ANKRD30BL: variants seen among roughly 807,000 people sequenced by gnomAD.
ANKRD30BL encodes the protein ankyrin repeat domain 30B like.
Under a neutral mutation model 18.4 loss-of-function variants are expected in ANKRD30BL, and 20 were observed. That is an observed-to-expected ratio of 1.09 (90% CI 0.77 to 1.58). ANKRD30BL has a LOEUF of 1.58. Among genes scored for constraint, ANKRD30BL ranks in the 40% most tolerant of loss-of-function variants. The pLI is 0.00. For synonymous variants in ANKRD30BL, 72 were observed against 100.9 expected (o/e 0.71, Z 1.72); for missense variants, 224 against 268.6 (o/e 0.83, Z 1.16).
chr2:132,160,415 T>C (rs1688023416), intron 1 of ANKRD30BL, among the ~76,000 whole-genome samples: 1 of 145,518 alleles, frequency 6.9e-6, no homozygotes. Flanking sequence ...TTTTTTTTTT[T>C]TTTCAAATTT....
intron 1 of ANKRD30BL, among the ~76,000 whole-genome samples, chr2:132,229,527 C>T (rs74752068): frequency 6.6e-6 from 1 of 151,956 alleles, no homozygotes; most frequent in Non-Finnish European, 1.5e-5. Flanking sequence ...GTTGAACATA[C>T]CTCTTCATAG....
chr2:132,226,130 G>A (rs961101771), intron 1 of ANKRD30BL, among the ~76,000 whole-genome samples: 9 of 152,040 alleles, frequency 5.9e-5, no homozygotes, highest in African/African-American at 1.9e-4. Flanking sequence ...AGTGGAATCT[G>A]CAAGGGGATA....
intron 1 of ANKRD30BL, among the ~76,000 whole-genome samples, chr2:132,234,468 G>A (rs543281451): frequency 0.013 from 1,923 of 151,944 alleles, 43 homozygotes; most frequent in African/African-American, 0.043. Flanking sequence ...AAAGAGAGAA[G>A]AATCAAATAG....
chr2:132,204,302 T>C (rs1213719766), intron 1 of ANKRD30BL, among the ~76,000 whole-genome samples: 1 of 151,626 alleles, frequency 6.6e-6, no homozygotes. Flanking sequence ...GAGGAGAATG[T>C]CTCTCAATAT....
intron 1 of ANKRD30BL, among the ~76,000 whole-genome samples, chr2:132,170,557 C>T (rs1182215478): frequency 1.3e-5 from 2 of 152,220 alleles, no homozygotes; most frequent in East Asian, 1.9e-4. Flanking sequence ...CATCAAGAAT[C>T]TGTCCTTTTT....
chr2:132,252,890 G>A (rs1201893965), intron 1 of ANKRD30BL, among the ~76,000 whole-genome samples: 9 of 152,270 alleles, frequency 5.9e-5, no homozygotes, highest in African/African-American at 1.9e-4. Flanking sequence ...GGCTGCAGCC[G>A]GCTATCTTCC....
intron 1 of ANKRD30BL, among the ~76,000 whole-genome samples, chr2:132,237,233 A>T (rs1317529175): frequency 2.0e-5 from 3 of 152,024 alleles, no homozygotes; most frequent in African/African-American, 7.2e-5. Flanking sequence ...TATGTAACTA[A>T]CCTGCACAAT....
intron 1 of ANKRD30BL, among the ~76,000 whole-genome samples, chr2:132,210,552 C>T (rs1050350621): frequency 2.0e-5 from 3 of 151,978 alleles, no homozygotes; most frequent in African/African-American, 4.8e-5. Flanking sequence ...CACATAAAAA[C>T]TGGACAGAAG....
intron 1 of ANKRD30BL, chr2:132,257,471 G>A (rs1299646154): frequency 3.7e-6 from 1 of 271,472 alleles, no homozygotes; most frequent in Non-Finnish European, 7.1e-6. Context: ...AGTAGGCGAC[G>A]AGCTTCCCTG....
At chr2:132,186,110 A>T (rs573457375) in intron 1 of ANKRD30BL, among the ~76,000 whole-genome samples, 92 of 151,822 alleles carry the variant, frequency 6.1e-4, no homozygotes, top group Non-Finnish European at 1.2e-3. Context: ...AACCTGGGTG[A>T]CAGAGCAAGA....
chr2:132,205,386 G>A (rs1353598145), intron 1 of ANKRD30BL, among the ~76,000 whole-genome samples: 3 of 145,626 alleles, frequency 2.1e-5, no homozygotes, highest in African/African-American at 5.7e-5. Flanking sequence ...CGAGGCGGGC[G>A]GATCACCTGA....
rs1335034723 is a variant in ANKRD30BL at position 132,175,270 on chromosome 2, C to A, written n.442-18124G>T. On this transcript the variant is annotated intron_variant and non_coding_transcript_variant, in intron 1 of 4. Coordinates refer to the ANKRD30BL transcript ENST00000470729. ...AGGGTGATAATAGGGAGAAGGTCAGCAAAAAAACATGTGAGCAGAAGAATC... is the reference window on the plus strand; with the variant it reads ...AGGGTGATAATAGGGAGAAGGTCAGAAAAAAAACATGTGAGCAGAAGAATC... Among the ~76,000 whole-genome samples the A allele has an allele frequency of 8.6e-5, 13 of 151,476 alleles. No homozygotes were observed. In the East Asian group the frequency reaches 2.5e-3, roughly 29 times the overall value.
At chr2:132,253,967 G>T (rs1680743656) in intron 1 of ANKRD30BL, among the ~76,000 whole-genome samples, 1 of 151,964 alleles carries the variant, frequency 6.6e-6, no homozygotes, top group Admixed American at 6.5e-5. Context: ...GGAGTGGGCA[G>T]GATGGGGCTG....
chr2:132,237,434 A>G (rs1680182833), intron 1 of ANKRD30BL, among the ~76,000 whole-genome samples: 1 of 152,070 alleles, frequency 6.6e-6, no homozygotes, highest in African/African-American at 2.4e-5. Context: ...ATTTCGTTGG[A>G]AACGGGAATA....
intron 1 of ANKRD30BL, among the ~76,000 whole-genome samples, chr2:132,225,527 AC>A (rs1189521504): frequency 2.0e-5 from 3 of 151,962 alleles, no homozygotes; most frequent in African/African-American, 7.2e-5. Context: ...ATCCTCAGAA[AC>A]TTCTTGTGAT....
intron 1 of ANKRD30BL, among the ~76,000 whole-genome samples, chr2:132,248,076 A>T (rs1317463071): frequency 6.6e-6 from 1 of 151,462 alleles, no homozygotes; most frequent in Admixed American, 6.6e-5. Context: ...CTCAGAGTGC[A>T]TCTGTCTAGT....
At chr2:132,211,752 C>T (rs1230702351) in intron 1 of ANKRD30BL, among the ~76,000 whole-genome samples, 8 of 144,882 alleles carry the variant, frequency 5.5e-5, no homozygotes, top group South Asian at 2.2e-4. Context: ...ATAAAAACTA[C>T]ACAGAAGCAT....
chr2:132,164,416 G>C (rs1688150404), upstream of ANKRD30BL, among the ~76,000 whole-genome samples: 1 of 151,536 alleles, frequency 6.6e-6, no homozygotes, highest in African/African-American at 2.4e-5. Flanking sequence ...TCAGCCTCCT[G>C]AGTAGCTGGG....
intron 1 of ANKRD30BL, among the ~76,000 whole-genome samples, chr2:132,251,880 C>T (rs74582346): frequency 1.3e-5 from 2 of 152,240 alleles, no homozygotes; most frequent in Admixed American, 6.5e-5. Context: ...TAATGTGACG[C>T]CTGGACCACC....
Sources: allele counts gnomAD v4.1 joint callset (sites outside exome capture counted in the v4.1 genomes callset), GRCh38; gene constraint gnomAD v4.1.1; transcripts MANE v1.5; gene names NCBI Gene and HGNC (gene_info 2026-07-23, HGNC 2026-07-21).